PDGFRB: variants seen among roughly 807,000 people sequenced by gnomAD.
The protein encoded by PDGFRB is platelet-derived growth factor receptor beta.
In PDGFRB, 42 loss-of-function variants were observed where a neutral mutation model predicts 120.2. The observed-to-expected ratio is 0.35, with a 90% CI of 0.27 to 0.45. The LOEUF is 0.45. Among genes scored for constraint, PDGFRB ranks in the 20% least tolerant of loss-of-function variants. The probability of loss-of-function intolerance (pLI) is 1.00; values close to 1 mark genes in which losing one functional copy is unlikely to be tolerated. For missense variants in PDGFRB, 1,149 were observed against 1,476.3 expected, an observed-to-expected ratio of 0.78 and a Z score of 3.63; for synonymous variants, 586 against 606.8, an observed-to-expected ratio of 0.97 and a Z score of 0.50.
At chr5:150,153,179 G>A (rs1193088660) in intron 1 of PDGFRB, among the ~76,000 whole-genome samples, 1 of 152,184 alleles carries the variant, frequency 6.6e-6, no homozygotes, top group Non-Finnish European at 1.5e-5. Context: ...TCCACTGCCT[G>A]CCCCACATGT....
intron 2 of PDGFRB, among the ~76,000 whole-genome samples, chr5:150,136,685 A>G (rs1460872492): frequency 6.6e-6 from 1 of 152,152 alleles, no homozygotes; most frequent in Non-Finnish European, 1.5e-5. Flanking sequence ...TGAGGGGTCC[A>G]AGCCGAGTGC....
intron 1 of PDGFRB, among the ~76,000 whole-genome samples, chr5:150,144,623 TG>T (rs1029846081): frequency 1.1e-4 from 17 of 152,162 alleles, no homozygotes; most frequent in African/African-American, 3.9e-4. Flanking sequence ...TGCCTGTGCT[TG>T]GGGGTGGGGG....
At chr5:150,134,567 A>G (rs1760568312) in intron 4 of PDGFRB, 183 bp downstream of exon 4, 1 of 617,632 alleles carries the variant, frequency 1.6e-6, no homozygotes, top group East Asian at 2.9e-5. Flanking sequence ...GACAAGCTCC[A>G]TCCTCTCTCT....
In PDGFRB at chr5:150,134,851, C is replaced by T. The variant is rs759684681; in HGVS notation, c.530G>A (p.Arg177His). Residue 177 changes from arginine (R) to histidine (H), a missense_variant, in exon 4 of 23, where the codon CGT (arginine) becomes CAT (histidine). By Grantham distance (29) the Arg-to-His change is conservative. Coordinates refer to ENST00000261799, the MANE Select transcript of PDGFRB (RefSeq NM_002609.4). ...GTCCTCAAAGATACCAGAAAAGCCA[C>T]GTTGGTGATCATAGGGGACAGGCAG... ...VALPVPYDHQ[R>H]GFSGIFEDRS... is the part of the protein sequence containing the mutation. The T allele has an allele frequency of 3.1e-6, 5 of 1,614,116 alleles. No homozygotes were observed. Among genetic ancestry groups the T allele is most frequent in the South Asian group, 2.2e-5 (2 of 91,086 alleles).
chr5:150,118,950 A>G, intron 20 of PDGFRB, 98 bp from the exon 21 acceptor site: 1 of 719,896 alleles, frequency 1.4e-6, no homozygotes, highest in Non-Finnish European at 2.4e-6. Flanking sequence ...GAACAAGGTG[A>G]GCCATGGAAA....
chr5:150,122,240 CAGTT>C (rs1158891400), intron 15 of PDGFRB, 200 bp from the exon 16 acceptor site: 14 of 568,452 alleles, frequency 2.5e-5, no homozygotes, highest in South Asian at 1.1e-4. Flanking sequence ...ACCAAAATGA[CAGTT>C]AGAACCCAGA....
rs1424989375 is a variant in PDGFRB, at chr5:150,134,847, G to C, written c.534C>G (p.Gly178=). The C allele has an allele frequency of 2.5e-6, 4 of 1,614,104 alleles. No homozygotes were observed. The highest frequency in any genetic ancestry group is 2.2e-5 in the East Asian group (1 of 44,904). ...TTCTGTCCTCAAAGATACCAGAAAA[G>C]CCACGTTGGTGATCATAGGGGACAG... The part of the protein sequence containing the change: ...ALPVPYDHQR[G]FSGIFEDRSY... The change falls in exon 4 of 23, where the codon GGC becomes GGG. Residue 178 remains glycine (G), a synonymous_variant. Transcript: ENST00000261799.
At chr5:150,148,531 C>T (rs984741997) in intron 1 of PDGFRB, among the ~76,000 whole-genome samples, 3 of 152,270 alleles carry the variant, frequency 2.0e-5, no homozygotes, top group Non-Finnish European at 2.9e-5. Context: ...CAACAGGCTG[C>T]GCCTGATGCC....
At chr5:150,129,683 T>C (rs1220114600) in intron 10 of PDGFRB, 74 bp downstream of exon 10, 13 of 1,273,510 alleles carry the variant, frequency 1.0e-5, no homozygotes, top group African/African-American at 7.3e-5. Flanking sequence ...TGTGGGTACA[T>C]GGGCACATTA....
intron 22 of PDGFRB, among the ~76,000 whole-genome samples, chr5:150,116,341 G>A (rs1484868564): frequency 6.6e-6 from 1 of 152,176 alleles, no homozygotes; most frequent in African/African-American, 2.4e-5. Flanking sequence ...GGCCGGGCGT[G>A]GTGGCTCACA....
rs564814612 is a variant in PDGFRB at position 150,115,454 on chromosome 5, T to G, written c.*309A>C. 1 of 290,730 alleles carries G rather than the reference T, an allele frequency of 3.4e-6. No individual in the cohort carries two copies. The highest frequency in any genetic ancestry group is 5.2e-5 in the Admixed American group (1 of 19,354). 18.0% of individuals were successfully genotyped at this position (290,730 alleles called of 1,614,324 possible). ...CACCTGTCAGCCAGGGAGAGAATCC[T>G]AGATTCTGGGTCATCAAGCCTAACT... On this transcript the variant is annotated 3_prime_UTR_variant, in exon 23 of 23. Coordinates refer to ENST00000261799, the MANE Select transcript of PDGFRB (RefSeq NM_002609.4).
At chr5:150,141,973 G>A (rs1760797045) in intron 1 of PDGFRB, among the ~76,000 whole-genome samples, 1 of 152,018 alleles carries the variant, frequency 6.6e-6, no homozygotes, top group Non-Finnish European at 1.5e-5. Flanking sequence ...ATGCTGCAGG[G>A]AGAGGGGGGT....
chr5:150,154,229 G>A (rs1580827062), intron 1 of PDGFRB, among the ~76,000 whole-genome samples: 1 of 152,248 alleles, frequency 6.6e-6, no homozygotes, highest in Non-Finnish European at 1.5e-5. Flanking sequence ...CCAGAAAGGG[G>A]GAAGAGGGAG....
intron 1 of PDGFRB, 101 bp downstream of exon 1, chr5:150,155,296 C>CT (rs1761199468): frequency 3.6e-6 from 1 of 278,426 alleles, no homozygotes; most frequent in Non-Finnish European, 6.3e-6. Context: ...AAATATCTTC[C>CT]CTTTTTTTTT....
intron 15 of PDGFRB, 94 bp from the exon 16 acceptor site, chr5:150,122,134 C>T: frequency 1.1e-6 from 1 of 882,972 alleles, no homozygotes; most frequent in Non-Finnish European, 1.8e-6. Context: ...CTCTCACTCA[C>T]ACACTCACTC....
chr5:150,132,973 CT>C lies in PDGFRB; in HGVS notation c.935-32del. 6.7e-7 allele frequency: 1 copy of C among 1,499,764 alleles called. No individual in the cohort carries two copies. The highest frequency in any genetic ancestry group is 9.0e-7 in the Non-Finnish European group (1 of 1,106,920). 92.9% of individuals were successfully genotyped at this position (1,499,764 alleles called of 1,614,324 possible). A position where few individuals can be genotyped will look rare whatever the true frequency, so the allele number is the denominator to read the frequency against. ...AGGGGTGACCGTCAGGGGCGGGGCCCTGGGGGCAGGGCACCAACTGAATCCC... is the reference window on the plus strand; with the variant it reads ...AGGGGTGACCGTCAGGGGCGGGGCCCGGGGGCAGGGCACCAACTGAATCCC... On this transcript the variant is annotated intron_variant, in intron 6 of 22. Coordinates refer to ENST00000261799, the MANE Select transcript of PDGFRB (RefSeq NM_002609.4). This position sits in a 1 kb window ranked among gnomAD's most constrained non-coding sequence, Gnocchi z 5.0.
At position 150,133,862 on chromosome 5, in the gene PDGFRB, C is replaced by G. The variant is rs774871428; in HGVS notation, c.759+19G>C. ...CCGTTCCTGGCCCCTCCTCCGACCC[C>G]TGCCTGGCCCCACATTACTTCTTTG... On this transcript the variant is annotated intron_variant, in intron 5 of 22. Coordinates refer to ENST00000261799, the MANE Select transcript of PDGFRB (RefSeq NM_002609.4). The G allele has an allele frequency of 1.2e-6, 2 of 1,614,108 alleles. No individual in the cohort carries two copies. The highest frequency in any genetic ancestry group is 4.5e-5 in the East Asian group (2 of 44,882).
At chr5:150,131,860 C>T in intron 8 of PDGFRB, 119 bp downstream of exon 8, 4 of 578,262 alleles carry the variant, frequency 6.9e-6, no homozygotes, top group South Asian at 6.5e-5. Flanking sequence ...AATCCATCTC[C>T]TGAGTTCCAG....
chr5:150,121,340 G>A lies in PDGFRB; in HGVS notation c.2345-18C>T, dbSNP rs375112814. 3.3e-4 allele frequency: 355 copies of A among 1,090,876 alleles called. No homozygotes were observed. The highest frequency in any genetic ancestry group is 4.5e-4 in the Non-Finnish European group (319 of 701,896). The allele number at this position is 1,090,876 out of a possible 1,614,324, so 67.6% of individuals were successfully genotyped here. A position where few individuals can be genotyped will look rare whatever the true frequency, so the allele number is the denominator to read the frequency against. ...CTCAGGGGCTAGAGGAGAAGCAGAG[G>A]GTCACCTGCTATCTTATATCTCCTT... is the stretch of plus-strand genomic sequence containing the variant. On this transcript the variant is annotated intron_variant, in intron 16 of 22. Coordinates refer to ENST00000261799, the MANE Select transcript of PDGFRB (RefSeq NM_002609.4). The surrounding 1 kb of genome is among the most constrained non-coding windows in gnomAD (Gnocchi z 4.1).
Sources: allele counts gnomAD v4.1 joint callset (sites outside exome capture counted in the v4.1 genomes callset), GRCh38; gene constraint gnomAD v4.1.1; non-coding constraint Gnocchi (gnomAD v3.1); transcripts MANE v1.5; gene names NCBI Gene and HGNC (gene_info 2026-07-23, HGNC 2026-07-21).